Variants in SLC9A9 observed in about 807,000 individuals in gnomAD.
SLC9A9 encodes sodium/hydrogen exchanger 9.
SLC9A9 carries 62 observed loss-of-function variants against 77.8 expected under a neutral mutation model. That is an observed-to-expected ratio of 0.80 (90% confidence interval 0.65 to 0.98). SLC9A9 has a LOEUF of 0.98. Ranked by LOEUF, SLC9A9 falls within the 50% of genes least tolerant of loss-of-function variation. The probability of loss-of-function intolerance (pLI) is 0.00; values close to 1 mark genes in which losing one functional copy is unlikely to be tolerated. For synonymous variants in SLC9A9, 320 were observed against 283.5 expected (o/e 1.13, Z -1.29); for missense variants, 775 against 774.9 (o/e 1.00, Z 0.00).
At chr3:143,605,979 G>T (rs1290771048) in intron 6 of SLC9A9, among the ~76,000 whole-genome samples, 3 of 152,178 alleles carry the variant, frequency 2.0e-5, no homozygotes, top group Non-Finnish European at 4.4e-5. Flanking sequence ...GATAAGCTCT[G>T]CTCCATGCTA....
intron 14 of SLC9A9, among the ~76,000 whole-genome samples, chr3:143,301,406 G>T (rs920089379): frequency 4.6e-5 from 7 of 152,186 alleles, no homozygotes; most frequent in African/African-American, 4.8e-5. Context: ...GGGCGGAAAT[G>T]ATTTTTTAAA....
At chr3:143,808,655 G>T (rs1322611006) in intron 2 of SLC9A9, among the ~76,000 whole-genome samples, 1 of 152,146 alleles carries the variant, frequency 6.6e-6, no homozygotes, top group Non-Finnish European at 1.5e-5. Flanking sequence ...ATTTGGAGTA[G>T]TGTTTAAGGG....
At chr3:143,369,940 A>C (rs886079852) in intron 13 of SLC9A9, among the ~76,000 whole-genome samples, 13 of 152,228 alleles carry the variant, frequency 8.5e-5, no homozygotes, top group African/African-American at 3.1e-4. Flanking sequence ...AATGGCAAGT[A>C]AGGAACAGAG....
intron 4 of SLC9A9, among the ~76,000 whole-genome samples, chr3:143,740,608 T>G (rs1042016516): frequency 2.6e-5 from 4 of 152,214 alleles, no homozygotes; most frequent in Non-Finnish European, 5.9e-5. Context: ...TATGCTTTGA[T>G]AAACACAAGA....
At chr3:143,813,260 C>CT (rs1229258879) in intron 2 of SLC9A9, among the ~76,000 whole-genome samples, 1 of 152,030 alleles carries the variant, frequency 6.6e-6, no homozygotes, top group Non-Finnish European at 1.5e-5. Context: ...GTGCTCATGG[C>CT]TGAAGACAAG....
chr3:143,762,914 A>C (rs1223415152), intron 4 of SLC9A9, among the ~76,000 whole-genome samples: 1 of 152,158 alleles, frequency 6.6e-6, no homozygotes, highest in Non-Finnish European at 1.5e-5. Flanking sequence ...ACTCAGATCA[A>C]CTCAGACAAA....
At chr3:143,653,913 G>A (rs1222964952) in intron 5 of SLC9A9, among the ~76,000 whole-genome samples, 3 of 152,096 alleles carry the variant, frequency 2.0e-5, no homozygotes, top group Non-Finnish European at 4.4e-5. Context: ...ACAGTGATGC[G>A]ACATAGTAAG....
intron 12 of SLC9A9, among the ~76,000 whole-genome samples, chr3:143,392,319 T>A (rs150497840): frequency 0.023 from 3,470 of 152,244 alleles, 153 homozygotes; most frequent in African/African-American, 0.079. Flanking sequence ...GAAAAGAATT[T>A]TCAACCCAGA....
chr3:143,510,624 T>A (rs986652404), intron 9 of SLC9A9, among the ~76,000 whole-genome samples: 1 of 152,226 alleles, frequency 6.6e-6, no homozygotes, highest in African/African-American at 2.4e-5. Context: ...TTCATATTAC[T>A]AACATTCTAC....
chr3:143,448,190 G>A lies in SLC9A9; in HGVS notation c.1469+18847C>T, dbSNP rs374839653. On this transcript the variant is annotated intron_variant, in intron 12 of 15. Coordinates refer to ENST00000316549, the MANE Select transcript of SLC9A9 (RefSeq NM_173653.4). ...ATTCTGTGCAAATAGGGCATAGCTC[G>A]AAAGATGAATGTTTGCTAGATCCTG... is the stretch of plus-strand genomic sequence containing the variant. 6.6e-5 allele frequency among the ~76,000 whole-genome samples: 10 copies of A among 152,196 alleles called. No homozygotes were observed. In the South Asian group the frequency reaches 1.5e-3, roughly 22 times the overall value.
At chr3:143,725,692 C>T (rs1358777751) in intron 4 of SLC9A9, among the ~76,000 whole-genome samples, 1 of 130,018 alleles carries the variant, frequency 7.7e-6, no homozygotes, top group Non-Finnish European at 1.6e-5. Context: ...ACAATGAGAA[C>T]ACATGGACAC....
chr3:143,745,103 T>G (rs111566584), intron 4 of SLC9A9, among the ~76,000 whole-genome samples: 33 of 152,340 alleles, frequency 2.2e-4, no homozygotes, highest in African/African-American at 7.9e-4. Flanking sequence ...CTTTTTCAAT[T>G]TAACCTCTAA....
chr3:143,729,409 A>G (rs966899376), intron 4 of SLC9A9, among the ~76,000 whole-genome samples: 15 of 152,188 alleles, frequency 9.9e-5, no homozygotes, highest in Admixed American at 2.6e-4. Context: ...GGAATAGATG[A>G]CATGAACTAG....
intron 12 of SLC9A9, among the ~76,000 whole-genome samples, chr3:143,421,708 A>T (rs577498250): frequency 6.6e-6 from 1 of 152,352 alleles, no homozygotes; most frequent in African/African-American, 2.4e-5. Context: ...CTAAGCCCTT[A>T]AAAGCAAGTG....
chr3:143,422,320 T>A (rs1009706828), intron 12 of SLC9A9, among the ~76,000 whole-genome samples: 1 of 152,168 alleles, frequency 6.6e-6, no homozygotes, highest in Non-Finnish European at 1.5e-5. Context: ...GCAGCACTAT[T>A]CACAAGAGCA....
intron 6 of SLC9A9, among the ~76,000 whole-genome samples, chr3:143,606,917 A>C (rs1342465498): frequency 6.6e-6 from 1 of 152,170 alleles, no homozygotes; most frequent in African/African-American, 2.4e-5. Flanking sequence ...GAACTGAAGA[A>C]ACATATCAAA....
chr3:143,764,405 C>T (rs1027106378), intron 4 of SLC9A9, among the ~76,000 whole-genome samples: 2 of 152,192 alleles, frequency 1.3e-5, no homozygotes, highest in Admixed American at 1.3e-4. Context: ...GTAATATATG[C>T]AATTCAACTT....
chr3:143,411,698 T>TA (rs1225507342), intron 12 of SLC9A9, among the ~76,000 whole-genome samples: 1 of 152,210 alleles, frequency 6.6e-6, no homozygotes, highest in Non-Finnish European at 1.5e-5. Context: ...AGTTCTACTA[T>TA]AAATAACGCT....
intron 5 of SLC9A9, among the ~76,000 whole-genome samples, chr3:143,663,122 C>T (rs561073734): frequency 1.4e-4 from 21 of 152,232 alleles, no homozygotes; most frequent in Admixed American, 4.6e-4. Flanking sequence ...TTTGGCTGTT[C>T]GGCAATATTT....
Sources: allele counts gnomAD v4.1 joint callset (sites outside exome capture counted in the v4.1 genomes callset), GRCh38; gene constraint gnomAD v4.1.1; transcripts MANE v1.5; gene names NCBI Gene and HGNC (gene_info 2026-07-23, HGNC 2026-07-21).